TPTE2: variants seen among roughly 807,000 people sequenced by gnomAD.
TPTE2 encodes the protein transmembrane phosphoinositide 3-phosphatase and tensin homolog 2.
Under a neutral mutation model 78.6 loss-of-function variants are expected in TPTE2, and 53 were observed. The ratio of observed to expected loss-of-function variants is 0.67; its 90% CI spans 0.54 to 0.85. The LOEUF is 0.85. TPTE2 is among the 40% of genes least tolerant of loss of function. TPTE2 has a pLI of 0.00. For synonymous variants in TPTE2, 175 were observed against 206.2 expected (o/e 0.85, Z 1.30); for missense variants, 461 against 623.0 (o/e 0.74, Z 2.77).
intron 13 of TPTE2, among the ~76,000 whole-genome samples, chr13:19,442,450 C>G (rs1247442308): frequency 5.3e-5 from 8 of 151,712 alleles, no homozygotes; most frequent in Admixed American, 1.3e-4. Flanking sequence ...AAACTTGTAG[C>G]CTTAAATCGT....
intron 13 of TPTE2, among the ~76,000 whole-genome samples, chr13:19,440,548 T>A (rs1877420089): frequency 1.3e-5 from 2 of 152,066 alleles, no homozygotes; most frequent in Non-Finnish European, 2.9e-5. Flanking sequence ...GGCAGGCAGA[T>A]CACTTGAGGT....
chr13:19,522,494 T>C (rs1304727942), intron 1 of TPTE2, among the ~76,000 whole-genome samples: 2 of 152,142 alleles, frequency 1.3e-5, no homozygotes, highest in Non-Finnish European at 2.9e-5. Context: ...TTAGTAGAGA[T>C]GGAAAAGACA....
At chr13:19,438,836 G>A (rs1261446716) in intron 13 of TPTE2, among the ~76,000 whole-genome samples, 1 of 152,202 alleles carries the variant, frequency 6.6e-6, no homozygotes, top group Non-Finnish European at 1.5e-5. Context: ...GACAATGCAG[G>A]CAAGCAGCCC....
chr13:19,459,902 C>G (rs1202006625), intron 10 of TPTE2, among the ~76,000 whole-genome samples: 1 of 152,168 alleles, frequency 6.6e-6, no homozygotes, highest in African/African-American at 2.4e-5. Context: ...CCCACCTCCC[C>G]GGGAACTCAG....
intron 13 of TPTE2, among the ~76,000 whole-genome samples, chr13:19,449,504 T>C (rs1878045584): frequency 6.6e-6 from 1 of 152,200 alleles, no homozygotes; most frequent in Non-Finnish European, 1.5e-5. Context: ...AGGAAATTTA[T>C]TGTACAACAT....
chr13:19,437,038 GACACACACAC>G (rs376691875), intron 14 of TPTE2, among the ~76,000 whole-genome samples: 7 of 145,904 alleles, frequency 4.8e-5, no homozygotes, highest in Admixed American at 2.1e-4. Context: ...AAACCTAGGA[GACACACACAC>G]ACACACACAC....
intron 6 of TPTE2, among the ~76,000 whole-genome samples, chr13:19,469,906 T>C (rs900005110): frequency 6.6e-6 from 1 of 152,236 alleles, no homozygotes; most frequent in African/African-American, 2.4e-5. Context: ...TTATCAGTTC[T>C]AATAGTTTTC....
intron 1 of TPTE2, among the ~76,000 whole-genome samples, chr13:19,533,002 A>C (rs1369920743): frequency 6.6e-6 from 1 of 152,228 alleles, no homozygotes; most frequent in Non-Finnish European, 1.5e-5. Context: ...TCTGATGTCT[A>C]GTAGAGGCAT....
the TPTE2 span, among the ~76,000 whole-genome samples, chr13:19,554,123 C>T: frequency 6.9e-4 from 105 of 152,230 alleles, 5 homozygotes; most frequent in South Asian, 0.021. Context: ...CGCCTGTAAT[C>T]CCAGGACTTT....
In TPTE2 at chr13:19,486,956, G is replaced by C. The variant is rs982125049; in HGVS notation, c.120-4409C>G. On this transcript the variant is annotated intron_variant, in intron 3 of 19. Transcript: ENST00000400230. The surrounding 1 kb of genome is among the most constrained non-coding windows in gnomAD (Gnocchi z 4.3). ...ACGAGGCTGCTCGGCTGGCCTAGGGGCATGTCTTCTGGAAGTAGCCCATGG... is the reference window on the plus strand; with the variant it reads ...ACGAGGCTGCTCGGCTGGCCTAGGGCCATGTCTTCTGGAAGTAGCCCATGG... Among the ~76,000 whole-genome samples, 1 of 152,146 alleles carries C rather than the reference G, an allele frequency of 6.6e-6. No individual in the cohort carries two copies. The highest frequency in any genetic ancestry group is 1.5e-5 in the Non-Finnish European group (1 of 68,030).
intron 13 of TPTE2, among the ~76,000 whole-genome samples, chr13:19,441,920 CA>C (rs1877526482): frequency 6.6e-6 from 1 of 152,048 alleles, no homozygotes; most frequent in Non-Finnish European, 1.5e-5. Flanking sequence ...ATAGCTAAAT[CA>C]AGGATGCAGG....
intron 3 of TPTE2, among the ~76,000 whole-genome samples, chr13:19,483,870 CT>C (rs1218035039): frequency 6.6e-6 from 1 of 151,976 alleles, no homozygotes; most frequent in East Asian, 1.9e-4. Context: ...TGTTGGTGTG[CT>C]GTGCCCATTA....
intron 14 of TPTE2, among the ~76,000 whole-genome samples, chr13:19,437,545 G>T (rs906318566): frequency 6.6e-6 from 1 of 152,154 alleles, no homozygotes; most frequent in Non-Finnish European, 1.5e-5. Flanking sequence ...GAGTTGTGAG[G>T]ATGGGCAAGG....
chr13:19,497,918 G>T (rs1288333252), intron 1 of TPTE2, among the ~76,000 whole-genome samples: 15 of 151,474 alleles, frequency 9.9e-5, no homozygotes, highest in African/African-American at 3.1e-4. Context: ...TTTAGAAGAA[G>T]GTATAACTAG....
At chr13:19,462,863 C>A (rs540981328) in intron 10 of TPTE2, among the ~76,000 whole-genome samples, 1 of 150,658 alleles carries the variant, frequency 6.6e-6, no homozygotes, top group Non-Finnish European at 1.5e-5. Context: ...CTCTTTTTGA[C>A]TTTTGACAGT....
intron 13 of TPTE2, among the ~76,000 whole-genome samples, chr13:19,439,321 T>C (rs1593354273): frequency 1.3e-5 from 2 of 151,864 alleles, no homozygotes; most frequent in East Asian, 1.9e-4. Context: ...ATATAAAACC[T>C]GCTGGCAGAA....
chr13:19,465,654 G>A (rs764532259), intron 7 of TPTE2, 90 bp from the exon 11 acceptor site: 239 of 1,137,130 alleles, frequency 2.1e-4, no homozygotes, highest in Non-Finnish European at 2.8e-4. Flanking sequence ...GTTAACCAGA[G>A]GCAATTTTCC....
chr13:19,529,328 T>C (rs1305914687), intron 1 of TPTE2, among the ~76,000 whole-genome samples: 2 of 152,028 alleles, frequency 1.3e-5, no homozygotes, highest in African/African-American at 4.8e-5. Flanking sequence ...AGTTTCACCA[T>C]GTTAGCCAGG....
intron 10 of TPTE2, among the ~76,000 whole-genome samples, chr13:19,459,451 C>T (rs1236060123): frequency 6.6e-6 from 1 of 152,206 alleles, no homozygotes; most frequent in African/African-American, 2.4e-5. Flanking sequence ...TGGGCATTCC[C>T]ACCATCAGGA....
Sources: allele counts gnomAD v4.1 joint callset (sites outside exome capture counted in the v4.1 genomes callset), GRCh38; gene constraint gnomAD v4.1.1; non-coding constraint Gnocchi (gnomAD v3.1); transcripts MANE v1.5; gene names NCBI Gene and HGNC (gene_info 2026-07-23, HGNC 2026-07-21).